PLCB4: variants seen among roughly 807,000 people sequenced by gnomAD.
PLCB4 encodes 1-phosphatidylinositol 4,5-bisphosphate phosphodiesterase beta-4.
Under a neutral mutation model 178.8 loss-of-function variants are expected in PLCB4, and 77 were observed. The observed-to-expected ratio is 0.43, with a 90% CI of 0.36 to 0.52. PLCB4 has a LOEUF of 0.52. Among genes scored for constraint, PLCB4 ranks in the 20% least tolerant of loss-of-function variants. The pLI, the probability that PLCB4 is intolerant of heterozygous loss-of-function variation, is 0.00. For synonymous variants in PLCB4, 496 were observed against 490.8 expected, an observed-to-expected ratio of 1.01 and a Z score of -0.14; for missense variants, 1,024 against 1,453.4, an observed-to-expected ratio of 0.70 and a Z score of 4.80.
intron 1 of PLCB4, among the ~76,000 whole-genome samples, chr20:9,089,252 A>G (rs2090571078): frequency 6.6e-6 from 1 of 151,996 alleles, no homozygotes; most frequent in Non-Finnish European, 1.5e-5. Flanking sequence ...TTAATTATCA[A>G]TATATTTAAA....
rs146137849 is a variant in PLCB4, at chr20:9,334,527, G to T, written c.85-2599G>T. On this transcript the variant is annotated intron_variant, in intron 4 of 39. Coordinates refer to ENST00000378473, the MANE Select transcript of PLCB4 (RefSeq NM_001377142.1). ...TTTATAATCTTGAATTTAAACTAAAGCCAGACAGTTCCATTTTGTGATTTT... is the reference window on the plus strand; with the variant it reads ...TTTATAATCTTGAATTTAAACTAAATCCAGACAGTTCCATTTTGTGATTTT... Among the ~76,000 whole-genome samples, 89 of 152,252 alleles carry T rather than the reference G, an allele frequency of 5.8e-4. 1 individual carries two copies. In the East Asian group the frequency reaches 0.017, roughly 28 times the overall value.
At chr20:9,089,793 G>A (rs1187687459) in intron 1 of PLCB4, among the ~76,000 whole-genome samples, 1 of 152,122 alleles carries the variant, frequency 6.6e-6, no homozygotes, top group African/African-American at 2.4e-5. Flanking sequence ...TGGTGAATAA[G>A]GAAGTATTTT....
intron 13 of PLCB4, among the ~76,000 whole-genome samples, chr20:9,381,833 GT>G (rs1420698831): frequency 6.6e-6 from 1 of 152,128 alleles, no homozygotes; most frequent in Non-Finnish European, 1.5e-5. Context: ...TTCTAGGTAT[GT>G]ACCCTAGAGA....
intron 2 of PLCB4, among the ~76,000 whole-genome samples, chr20:9,177,564 T>C (rs1316384400): frequency 6.6e-6 from 1 of 152,104 alleles, no homozygotes; most frequent in Non-Finnish European, 1.5e-5. Flanking sequence ...TTAGAACCAA[T>C]GTAAGTAATT....
intron 3 of PLCB4, among the ~76,000 whole-genome samples, chr20:9,248,391 C>A (rs1036207493): frequency 2.0e-5 from 3 of 152,034 alleles, no homozygotes; most frequent in Non-Finnish European, 4.4e-5. Flanking sequence ...AATTGGAAAT[C>A]TTTTATTACA....
chr20:9,122,906 G>T (rs911604146), intron 2 of PLCB4, among the ~76,000 whole-genome samples: 2 of 152,132 alleles, frequency 1.3e-5, no homozygotes, highest in African/African-American at 4.8e-5. Context: ...GGTTCAGTAA[G>T]GATGTACTGC....
chr20:9,221,334 C>T (rs1359210410), intron 3 of PLCB4, among the ~76,000 whole-genome samples: 4 of 152,196 alleles, frequency 2.6e-5, no homozygotes, highest in Non-Finnish European at 5.9e-5. Context: ...TTCCAAGCAC[C>T]TCTGCTGTCT....
intron 2 of PLCB4, among the ~76,000 whole-genome samples, chr20:9,129,978 T>C (rs1003830582): frequency 6.6e-6 from 1 of 152,158 alleles, no homozygotes; most frequent in Non-Finnish European, 1.5e-5. Flanking sequence ...CTCTTGGTTG[T>C]ATCTAGTTTG....
chr20:9,097,072 C>T (rs1314817475), intron 2 of PLCB4, among the ~76,000 whole-genome samples: 1 of 151,660 alleles, frequency 6.6e-6, no homozygotes, highest in Non-Finnish European at 1.5e-5. Flanking sequence ...GTAGGTGGGT[C>T]TATAGGTGCC....
rs1603095678 is a variant in PLCB4, at chr20:9,473,373, AC to A, written c.3495+10del. 1 of 1,534,444 alleles carries A rather than the reference AC, an allele frequency of 6.5e-7. No individual in the cohort carries two copies. Among genetic ancestry groups the A allele is most frequent in the Non-Finnish European group, 9.0e-7 (1 of 1,115,834 alleles). ...GAGAAACAGAATGAGCAGGTATTTT[AC>A]CTAAAATACGTAAAAACATGCAGGC... On this transcript the variant is annotated intron_variant, in intron 38 of 39. Transcript: ENST00000378473.
chr20:9,247,978 C>G (rs940655860), intron 3 of PLCB4, among the ~76,000 whole-genome samples: 1 of 151,988 alleles, frequency 6.6e-6, no homozygotes, highest in Non-Finnish European at 1.5e-5. Context: ...TACAAAGCCC[C>G]GACTTACAGC....
At chr20:9,075,070 G>T (rs1252637726) in intron 1 of PLCB4, among the ~76,000 whole-genome samples, 2 of 152,038 alleles carry the variant, frequency 1.3e-5, no homozygotes, top group African/African-American at 4.8e-5. Context: ...TAATACTTCT[G>T]ACAGCCTTTT....
Position 9,141,310 on chromosome 20 carries a change from A to G in PLCB4, c.-79+44968A>G, listed in dbSNP as rs181843574. Among the ~76,000 whole-genome samples, 954 of 152,302 alleles carry G rather than the reference A, an allele frequency of 6.3e-3. 7 individuals carry two copies. The highest frequency in any genetic ancestry group is 0.015 in the South Asian group (72 of 4,828). On this transcript the variant is annotated intron_variant, in intron 2 of 39. Transcript: ENST00000378473. ...GATTGGTTAGATTACAGCTTGGGAT[A>G]TGACGGATGCACCTCTGAGCATAAT...
At chr20:9,429,291 TC>T (rs796858439) in intron 28 of PLCB4, among the ~76,000 whole-genome samples, 2 of 151,796 alleles carry the variant, frequency 1.3e-5, no homozygotes, top group African/African-American at 2.4e-5. Context: ...ACAATGTGGC[TC>T]CCCCCAGCAA....
chr20:9,336,775 TA>T (rs1338670348), intron 4 of PLCB4, among the ~76,000 whole-genome samples: 5 of 151,920 alleles, frequency 3.3e-5, no homozygotes, highest in Admixed American at 6.6e-5. Context: ...ACCAGTGACT[TA>T]AAAAATAATG....
chr20:9,152,672 G>T (rs1359503026), intron 2 of PLCB4, among the ~76,000 whole-genome samples: 2 of 152,166 alleles, frequency 1.3e-5, no homozygotes, highest in East Asian at 1.9e-4. Context: ...CTAGGGCATC[G>T]TGGAAGGGAA....
intron 32 of PLCB4, among the ~76,000 whole-genome samples, chr20:9,446,954 T>C (rs1333900269): frequency 2.6e-5 from 4 of 152,102 alleles, no homozygotes; most frequent in Admixed American, 2.0e-4. Flanking sequence ...AATGAAAAAC[T>C]GTTTAAGGAG....
chr20:9,453,785 A>G (rs2042907104), intron 33 of PLCB4, among the ~76,000 whole-genome samples: 1 of 152,154 alleles, frequency 6.6e-6, no homozygotes, highest in African/African-American at 2.4e-5. Context: ...CTGAGAATTG[A>G]TTGTCCTTTT....
At position 9,478,918 on chromosome 20, in the gene PLCB4, T is replaced by C. The variant is rs1028161626; in HGVS notation, c.3533-3T>C. On this transcript the variant is annotated splice_polypyrimidine_tract_variant and splice_region_variant and intron_variant, in intron 39 of 39. Transcript: ENST00000378473. Reference sequence around the variant, plus strand: ...ACGTAAGGCCATGTTTCTGATGTTATAGGCGAAGGAGATGCAGCAGATGGT... The same window carrying C: ...ACGTAAGGCCATGTTTCTGATGTTACAGGCGAAGGAGATGCAGCAGATGGT... 7 of 1,611,860 alleles carry C rather than the reference T, an allele frequency of 4.3e-6. No homozygotes were observed. The highest frequency in any genetic ancestry group is 1.7e-5 in the Admixed American group (1 of 59,966).
Sources: allele counts gnomAD v4.1 joint callset (sites outside exome capture counted in the v4.1 genomes callset), GRCh38; gene constraint gnomAD v4.1.1; transcripts MANE v1.5; gene names NCBI Gene and HGNC (gene_info 2026-07-23, HGNC 2026-07-21).